GMPR: variants seen among roughly 807,000 people sequenced by gnomAD.
GMPR encodes guanosine monophosphate reductase, also known as GMP reductase 1.
A neutral mutation model predicts 38.4 loss-of-function variants in GMPR; 31 were observed. The ratio of observed to expected loss-of-function variants is 0.81; its 90% CI spans 0.61 to 1.09. The LOEUF is 1.09. GMPR is among the 50% of genes least tolerant of loss of function. The pLI is 0.00. For missense variants in GMPR, 468 were observed against 453.7 expected (o/e 1.03, Z -0.29); for synonymous variants, 162 against 173.3 (o/e 0.93, Z 0.51).
chr6:16,280,784 C>T (rs1228771073), intron 6 of GMPR, among the ~76,000 whole-genome samples: 3 of 152,178 alleles, frequency 2.0e-5, no homozygotes, highest in African/African-American at 7.2e-5. Context: ...GTAATTAGTC[C>T]TGTCTCCATT....
rs1019964250 is a variant in GMPR at position 16,295,399 on chromosome 6, A to C, written c.*213A>C. 4.5e-6 allele frequency: 2 copies of C among 445,410 alleles called. No homozygotes were observed. The highest frequency in any genetic ancestry group is 7.8e-6 in the Non-Finnish European group (2 of 257,022). The allele number at this position is 445,410 out of a possible 1,614,324, so 27.6% of individuals were successfully genotyped here. On this transcript the variant is annotated 3_prime_UTR_variant, in exon 9 of 9. Transcript: ENST00000259727. Reference sequence around the variant, plus strand: ...AAGGCACCGATTGGGCCAACATCAGAGCCCTGCTGCCCAGAACTCATAACC... The same window carrying C: ...AAGGCACCGATTGGGCCAACATCAGCGCCCTGCTGCCCAGAACTCATAACC...
intron 4 of GMPR, among the ~76,000 whole-genome samples, chr6:16,266,368 T>G (rs1300552812): frequency 8.8e-6 from 1 of 114,222 alleles, no homozygotes; most frequent in Non-Finnish European, 1.8e-5. Context: ...ACACTCACTG[T>G]GAAAAAGGTG....
intron 2 of GMPR, among the ~76,000 whole-genome samples, chr6:16,247,348 A>G (rs1457799013): frequency 6.6e-6 from 1 of 151,700 alleles, no homozygotes; most frequent in African/African-American, 2.4e-5. Context: ...TCGAGCGCTT[A>G]TGTACGAAAC....
intron 7 of GMPR, among the ~76,000 whole-genome samples, chr6:16,289,751 G>A (rs1249242548): frequency 6.6e-6 from 1 of 150,726 alleles, no homozygotes; most frequent in Non-Finnish European, 1.5e-5. Context: ...AGAGTGTGGA[G>A]AGCTTCAAGT....
At chr6:16,252,273 G>A (rs1183166885) in intron 3 of GMPR, among the ~76,000 whole-genome samples, 1 of 150,456 alleles carries the variant, frequency 6.6e-6, no homozygotes, top group Non-Finnish European at 1.5e-5. Context: ...TATTTTTTTT[G>A]TTTGAGGCAG....
chr6:16,275,400 G>T (rs1177342447), intron 5 of GMPR, among the ~76,000 whole-genome samples: 2 of 152,166 alleles, frequency 1.3e-5, no homozygotes, highest in South Asian at 2.1e-4. Flanking sequence ...CTGTGACTTG[G>T]CTCCGTGATC....
chr6:16,291,317 G>A (rs570612678), intron 8 of GMPR, among the ~76,000 whole-genome samples: 6 of 151,954 alleles, frequency 3.9e-5, no homozygotes, highest in South Asian at 4.2e-4. Context: ...TCTGCCTCCC[G>A]GGTTCAAGTG....
At chr6:16,270,653 TG>T (rs1759366361) in intron 4 of GMPR, among the ~76,000 whole-genome samples, 1 of 152,224 alleles carries the variant, frequency 6.6e-6, no homozygotes, top group Admixed American at 6.5e-5. Flanking sequence ...ATTTCAAACT[TG>T]AATTGACAGC....
intron 8 of GMPR, 63 bp from the exon 9 acceptor site, chr6:16,294,943 C>T: frequency 7.5e-7 from 1 of 1,337,700 alleles, no homozygotes; most frequent in Non-Finnish European, 1.1e-6. Context: ...GGGAGTAATT[C>T]TAATTGGGCT....
intron 4 of GMPR, among the ~76,000 whole-genome samples, chr6:16,272,675 C>T (rs966895483): frequency 1.3e-4 from 20 of 152,168 alleles, no homozygotes; most frequent in Admixed American, 3.3e-4. Context: ...GGCACTTACT[C>T]TGTGAGGTAT....
intron 8 of GMPR, among the ~76,000 whole-genome samples, chr6:16,291,779 C>A (rs1191616615): frequency 2.6e-5 from 4 of 151,976 alleles, no homozygotes; most frequent in Non-Finnish European, 5.9e-5. Context: ...GGTGTGGTGT[C>A]ACATGACTGT....
chr6:16,267,077 A>G (rs1759262963), intron 4 of GMPR, among the ~76,000 whole-genome samples: 4 of 151,874 alleles, frequency 2.6e-5, no homozygotes, highest in Admixed American at 2.6e-4. Flanking sequence ...TAAGAGCTGT[A>G]ACATGGCCGG....
At chr6:16,270,576 C>A (rs1318578760) in intron 4 of GMPR, among the ~76,000 whole-genome samples, 11 of 152,090 alleles carry the variant, frequency 7.2e-5, no homozygotes, top group Admixed American at 7.2e-4. Context: ...AAAGCCTGAC[C>A]ACACTCCTGT....
At chr6:16,288,051 C>A (rs1759723943) in intron 7 of GMPR, among the ~76,000 whole-genome samples, 1 of 152,212 alleles carries the variant, frequency 6.6e-6, no homozygotes, top group Non-Finnish European at 1.5e-5. Context: ...TAAAGGTAAA[C>A]CCTCAGTAGG....
intron 2 of GMPR, among the ~76,000 whole-genome samples, chr6:16,249,900 C>T (rs967599494): frequency 2.0e-5 from 3 of 152,152 alleles, no homozygotes; most frequent in Admixed American, 2.0e-4. Flanking sequence ...TTAGGATGGT[C>T]CTTCTGGGCA....
At position 16,277,870 on chromosome 6, in the gene GMPR, C is replaced by G. The variant is rs111910994; in HGVS notation, c.548-914C>G. ...AGTCCCTAAGGTGGGAAGAAACTTG[C>G]CCCATTGGAGAAGCAGTGGGGAGGG... On this transcript the variant is annotated intron_variant, in intron 5 of 8. Coordinates refer to ENST00000259727, the MANE Select transcript of GMPR (RefSeq NM_006877.4). Among the ~76,000 whole-genome samples the G allele has an allele frequency of 5.8e-3, 883 of 152,156 alleles. 4 individuals carry two copies. The highest frequency in any genetic ancestry group is 9.9e-3 in the Non-Finnish European group (674 of 67,994).
intron 1 of GMPR, among the ~76,000 whole-genome samples, chr6:16,239,980 G>A (rs747534377): frequency 6.6e-6 from 1 of 152,164 alleles, no homozygotes. Context: ...GCTAAAGAGG[G>A]GGCCTCTCTT....
At chr6:16,268,204 C>G (rs573061924) in intron 4 of GMPR, among the ~76,000 whole-genome samples, 3 of 152,318 alleles carry the variant, frequency 2.0e-5, no homozygotes, top group South Asian at 4.1e-4. Flanking sequence ...TGAAGAGTCA[C>G]ATAATAAACT....
chr6:16,268,120 C>T (rs1030436411), intron 4 of GMPR, among the ~76,000 whole-genome samples: 6 of 152,298 alleles, frequency 3.9e-5, no homozygotes, highest in Admixed American at 6.5e-5. Context: ...CCTCTCAGGC[C>T]GTGTTCCCTG....
Sources: allele counts gnomAD v4.1 joint callset (sites outside exome capture counted in the v4.1 genomes callset), GRCh38; gene constraint gnomAD v4.1.1; transcripts MANE v1.5; gene names NCBI Gene and HGNC (gene_info 2026-07-23, HGNC 2026-07-21).